The following PEX5L variants were observed in gnomAD, a reference collection of about 807,000 sequenced individuals.
PEX5L encodes peroxisomal biogenesis factor 5 like, also known as PEX5-related protein.
A neutral mutation model predicts 84.0 loss-of-function variants in PEX5L; 30 were observed. The ratio of observed to expected loss-of-function variants is 0.36; its 90% CI spans 0.27 to 0.48. The LOEUF (loss-of-function observed/expected upper bound fraction) is 0.48. Ranked by LOEUF, PEX5L falls within the 20% of genes least tolerant of loss-of-function variation. The probability of loss-of-function intolerance (pLI) is 0.99; values close to 1 mark genes in which losing one functional copy is unlikely to be tolerated. For synonymous variants in PEX5L, 270 were observed against 283.1 expected (o/e 0.95, Z 0.46); for missense variants, 533 against 754.6 (o/e 0.71, Z 3.44).
At chr3:179,935,510 G>A (rs879459075) in intron 2 of PEX5L, among the ~76,000 whole-genome samples, 6 of 151,850 alleles carry the variant, frequency 4.0e-5, no homozygotes, top group East Asian at 1.9e-4. Flanking sequence ...GGTTATTTTC[G>A]CTTTCTTTTC....
intron 2 of PEX5L, among the ~76,000 whole-genome samples, chr3:179,905,510 C>T (rs908855654): frequency 1.6e-4 from 24 of 152,236 alleles, no homozygotes; most frequent in African/African-American, 5.5e-4. Context: ...CCGCCCGCCT[C>T]GACCTCCCAA....
chr3:179,804,827 GTCTC>G (rs1468911322), intron 14 of PEX5L, among the ~76,000 whole-genome samples: 4 of 152,208 alleles, frequency 2.6e-5, no homozygotes, highest in African/African-American at 9.6e-5. Flanking sequence ...TAAGATTTAT[GTCTC>G]TCTCTCGCCG....
At chr3:179,872,039 C>T (rs1750590055) in intron 7 of PEX5L, among the ~76,000 whole-genome samples, 1 of 152,168 alleles carries the variant, frequency 6.6e-6, no homozygotes, top group East Asian at 1.9e-4. Flanking sequence ...CTTGTGCTAT[C>T]ATGCCTGGCT....
In PEX5L at chr3:179,964,971, CCAAA is replaced by C. The variant is rs563345202; in HGVS notation, c.93+6619_93+6622del. 1.1e-4 allele frequency among the ~76,000 whole-genome samples: 16 copies of C among 152,314 alleles called. No homozygotes were observed. The Middle Eastern group carries it at 0.01, about 97-fold the overall frequency. On this transcript the variant is annotated intron_variant, in intron 2 of 14. Coordinates refer to ENST00000467460, the MANE Select transcript of PEX5L (RefSeq NM_016559.3). ...TGGCTCACAGAGCTGGTTAATTTTC[CCAAA>C]CAGTTATGACATGGCCATAGCCTGT...
At chr3:179,867,282 G>GT (rs1053373334) in intron 7 of PEX5L, among the ~76,000 whole-genome samples, 1 of 151,960 alleles carries the variant, frequency 6.6e-6, no homozygotes, top group Non-Finnish European at 1.5e-5. Context: ...AAAATTTTGG[G>GT]TTTTTTTCCT....
chr3:180,000,585 G>A lies in PEX5L; in HGVS notation c.22-28920C>T, dbSNP rs1378586726. ...GGAGGTAGTCATCAATACCAGCTAT[G>A]ACCACGTGACTAGCTGCAGAAACAA... On this transcript the variant is annotated intron_variant, in intron 1 of 14. Coordinates refer to ENST00000467460, the MANE Select transcript of PEX5L (RefSeq NM_016559.3). Among the ~76,000 whole-genome samples, 4 of 152,266 alleles carry A rather than the reference G, an allele frequency of 2.6e-5. No homozygotes were observed. The East Asian group carries it at 7.7e-4, about 29-fold the overall frequency.
chr3:179,934,846 T>C (rs929271668), intron 2 of PEX5L, among the ~76,000 whole-genome samples: 17 of 152,216 alleles, frequency 1.1e-4, no homozygotes, highest in African/African-American at 3.6e-4. Context: ...TATTAATGTA[T>C]TTTAAAAAGC....
chr3:179,842,830 C>G (rs1737791308), intron 8 of PEX5L, among the ~76,000 whole-genome samples: 1 of 151,936 alleles, frequency 6.6e-6, no homozygotes, highest in African/African-American at 2.4e-5. Context: ...ATACTCTGGG[C>G]AATATAGTAA....
chr3:180,030,240 C>T (rs1271895007), intron 1 of PEX5L, among the ~76,000 whole-genome samples: 3 of 152,162 alleles, frequency 2.0e-5, no homozygotes, highest in African/African-American at 7.2e-5. Context: ...GGTTTCTCCA[C>T]AAGGCATAAT....
At chr3:179,907,857 C>G (rs563438815) in intron 2 of PEX5L, among the ~76,000 whole-genome samples, 128 of 152,268 alleles carry the variant, frequency 8.4e-4, no homozygotes, top group Non-Finnish European at 1.6e-3. Flanking sequence ...TATTCAGTAG[C>G]CTTCTCTGTG....
chr3:179,883,807 C>T (rs1754912981), intron 4 of PEX5L, among the ~76,000 whole-genome samples: 1 of 152,164 alleles, frequency 6.6e-6, no homozygotes, highest in African/African-American at 2.4e-5. Context: ...CTCTCTGAAC[C>T]TTAACTCTGC....
At chr3:179,934,068 C>T (rs1483854953) in intron 2 of PEX5L, among the ~76,000 whole-genome samples, 1 of 152,178 alleles carries the variant, frequency 6.6e-6, no homozygotes, top group African/African-American at 2.4e-5. Context: ...TTTGGCTTGG[C>T]GATTGATGAG....
chr3:179,990,154 T>C (rs1270490130), intron 1 of PEX5L, among the ~76,000 whole-genome samples: 2 of 152,210 alleles, frequency 1.3e-5, no homozygotes, highest in Admixed American at 1.3e-4. Flanking sequence ...TTTCCTCATA[T>C]GTAAGGTGAA....
At chr3:179,875,757 G>A (rs962916212) in intron 5 of PEX5L, among the ~76,000 whole-genome samples, 9 of 152,166 alleles carry the variant, frequency 5.9e-5, no homozygotes, top group African/African-American at 2.2e-4. Flanking sequence ...AAGCAATCAA[G>A]TTGTTTGACC....
chr3:179,815,828 T>C, intron 10 of PEX5L, 33 bp downstream of exon 10: 1 of 1,612,248 alleles, frequency 6.2e-7, no homozygotes, highest in Middle Eastern at 1.8e-4. Flanking sequence ...ACATGCCCTT[T>C]CTGAGTCTGG....
At chr3:179,847,004 T>C (rs1370151542) in intron 8 of PEX5L, among the ~76,000 whole-genome samples, 2 of 151,796 alleles carry the variant, frequency 1.3e-5, no homozygotes, top group South Asian at 2.1e-4. Flanking sequence ...TATATAGAGA[T>C]CTACATATGA....
chr3:179,854,151 G>C (rs1743012912), intron 8 of PEX5L, among the ~76,000 whole-genome samples: 1 of 150,566 alleles, frequency 6.6e-6, no homozygotes, highest in South Asian at 2.1e-4. Context: ...CGCCAGACTT[G>C]ATGTTTCAAT....
rs1389298254 is a variant in PEX5L, at chr3:179,796,061, C to G, written c.*5767G>C. 1 of 152,092 alleles carries G rather than the reference C, an allele frequency of 6.6e-6. No individual in the cohort carries two copies. The highest frequency in any genetic ancestry group is 1.9e-4 in the East Asian group (1 of 5,188). 9.4% of individuals were successfully genotyped at this position (152,092 alleles called of 1,614,324 possible). ...GCAGAATTCTTGTATGGTATCCATGCAGAAATGCTATATATCTCAGTGAAA... is the reference window on the plus strand; with the variant it reads ...GCAGAATTCTTGTATGGTATCCATGGAGAAATGCTATATATCTCAGTGAAA... On this transcript the variant is annotated 3_prime_UTR_variant, in exon 15 of 15. Coordinates refer to ENST00000467460, the MANE Select transcript of PEX5L (RefSeq NM_016559.3).
intron 2 of PEX5L, among the ~76,000 whole-genome samples, chr3:179,954,572 G>A (rs1305673220): frequency 3.9e-5 from 6 of 152,026 alleles, no homozygotes; most frequent in Non-Finnish European, 5.9e-5. Flanking sequence ...AACTCCTAGT[G>A]GGTACTAGGC....
Sources: gnomAD v4.1 joint callset for allele counts (sites outside exome capture counted in the v4.1 genomes callset) on GRCh38, gnomAD v4.1.1 for gene constraint, MANE v1.5 for transcripts, NCBI Gene and HGNC (gene_info 2026-07-23, HGNC 2026-07-21) for gene names.